Variants in TTLL1 observed in about 807,000 individuals in gnomAD.
TTLL1 encodes the protein polyglutamylase complex subunit TTLL1.
Under a neutral mutation model 47.8 loss-of-function variants are expected in TTLL1, and 33 were observed. The observed-to-expected ratio is 0.69, with a 90% CI of 0.52 to 0.92. TTLL1 has a LOEUF of 0.92. TTLL1 is among the 40% of genes least tolerant of loss of function. TTLL1 has a pLI of 0.00. For missense variants in TTLL1, 488 were observed against 547.5 expected, an observed-to-expected ratio of 0.89 and a Z score of 1.08; for synonymous variants, 225 against 214.1, an observed-to-expected ratio of 1.05 and a Z score of -0.45.
chr22:43,077,339 C>A (rs922106355), intron 2 of TTLL1, among the ~76,000 whole-genome samples: 1 of 152,168 alleles, frequency 6.6e-6, no homozygotes, highest in Non-Finnish European at 1.5e-5. Context: ...TCGATCTCTG[C>A]CTGGCTAAGC....
chr22:43,047,245 A>T (rs1926214092), intron 9 of TTLL1, among the ~76,000 whole-genome samples: 1 of 152,158 alleles, frequency 6.6e-6, no homozygotes, highest in African/African-American at 2.4e-5. Context: ...GCCCTGCCCA[A>T]GCAGCAGTGT....
rs768413237 is a variant in TTLL1 at position 43,068,427 on chromosome 22, C to G, written c.486G>C (p.Arg162=). The change falls in exon 5 of 11, where the codon CGG becomes CGC. Residue 162 remains arginine (R), a synonymous_variant. Transcript: ENST00000266254. ...NKLSQIKKWS[R]DSKTSSFVSQ... is the part of the protein sequence containing the mutation. ...ACACTTACGAAGATGTCTTGCTGTC[C>G]CGGGACCACTTTTTGATCTGTGAGA... The G allele has an allele frequency of 1.8e-5, 27 of 1,536,156 alleles. No individual in the cohort carries two copies. The East Asian group carries it at 4.4e-4, about 25-fold the overall frequency.
intron 10 of TTLL1, among the ~76,000 whole-genome samples, chr22:43,046,048 C>G (rs1926103822): frequency 6.6e-6 from 1 of 151,932 alleles, no homozygotes; most frequent in South Asian, 2.1e-4. Flanking sequence ...TGGTGAAACC[C>G]TGTCTATACT....
At position 43,059,510 on chromosome 22, in the gene TTLL1, G is replaced by C. The variant is rs1331816115; in HGVS notation, c.765C>G (p.Ile255Met). ...TACTCACTGTCCACTTGCCCCCATG[G>C]ATGTGGTTGTAGTCCTCCTGGTGAC... ...IQKHGEDYNH[I>M]HGGKWTVSNL... The change falls in exon 8 of 11, where the codon ATC becomes ATG. Residue 255 changes from isoleucine (I) to methionine (M), a missense_variant. Ile to Met is a conservative substitution (Grantham distance 10). Coordinates refer to ENST00000266254, the MANE Select transcript of TTLL1 (RefSeq NM_012263.5). 8 of 1,613,414 alleles carry C rather than the reference G, an allele frequency of 5.0e-6. No homozygotes were observed. The highest frequency in any genetic ancestry group is 1.3e-5 in the African/African-American group (1 of 74,894).
At chr22:43,087,171 C>T (rs947029435) in intron 1 of TTLL1, among the ~76,000 whole-genome samples, 2 of 152,202 alleles carry the variant, frequency 1.3e-5, no homozygotes, top group Non-Finnish European at 2.9e-5. Flanking sequence ...CACATTGTCA[C>T]TTTATTTTCT....
At chr22:43,046,700 G>C in intron 9 of TTLL1, 127 bp from the exon 10 acceptor site, 2 of 1,111,254 alleles carry the variant, frequency 1.8e-6, no homozygotes, top group Non-Finnish European at 2.5e-6. Context: ...ACAGAGTTTC[G>C]CTCTTGTTGC....
intron 9 of TTLL1, 34 bp from the exon 10 acceptor site, chr22:43,046,607 G>A (rs1926157151): frequency 1.9e-6 from 3 of 1,604,782 alleles, no homozygotes; most frequent in Non-Finnish European, 2.6e-6. Context: ...CCTCACCTGT[G>A]TCTCTCGCTC....
intron 3 of TTLL1, among the ~76,000 whole-genome samples, chr22:43,070,648 C>T (rs1601690472): frequency 6.6e-6 from 1 of 152,066 alleles, no homozygotes; most frequent in Non-Finnish European, 1.5e-5. Context: ...TATGGAAAAC[C>T]TCCATCACAC....
chr22:43,063,812 C>A lies in TTLL1; in HGVS notation c.747+1G>T. ...AAGCACAAATGAAAGGACACACTCA[C>A]CCCGTGTTTCTGGATGGCGACGTTG... is the stretch of plus-strand genomic sequence containing the variant. On this transcript the variant is annotated splice_donor_variant, in intron 7 of 10. Transcript: ENST00000266254. LOFTEE classifies it high-confidence loss of function. 6.2e-7 allele frequency: 1 copy of A among 1,613,490 alleles called. No individual in the cohort carries two copies. Among genetic ancestry groups the A allele is most frequent in the Non-Finnish European group, 8.5e-7 (1 of 1,179,426 alleles).
chr22:43,080,293 T>G (rs2018688), intron 1 of TTLL1, among the ~76,000 whole-genome samples: 103,379 of 151,868 alleles, frequency 0.68, 36,365 homozygotes, highest in Middle Eastern at 0.83. Flanking sequence ...AGGCTCTAGC[T>G]ATCTGCCCAC....
intron 8 of TTLL1, among the ~76,000 whole-genome samples, chr22:43,053,339 A>G (rs1601665763): frequency 6.6e-6 from 1 of 152,186 alleles, no homozygotes; most frequent in Non-Finnish European, 1.5e-5. Flanking sequence ...CTCCTCACTC[A>G]CTGAGAGAAA....
intron 1 of TTLL1, among the ~76,000 whole-genome samples, chr22:43,084,014 AC>A (rs1929065711): frequency 6.6e-6 from 1 of 152,142 alleles, no homozygotes; most frequent in African/African-American, 2.4e-5. Context: ...CCAAATTGCT[AC>A]TCTGTGTCAT....
At chr22:43,080,063 T>C (rs1404382705) in intron 1 of TTLL1, 77 bp from the exon 2 acceptor site, 2 of 152,144 alleles carry the variant, frequency 1.3e-5, no homozygotes, top group Non-Finnish European at 2.9e-5. Flanking sequence ...TGTTTGTTTT[T>C]GTTTTTTTGA....
chr22:43,087,398 T>A (rs1929292350), intron 1 of TTLL1, among the ~76,000 whole-genome samples: 1 of 150,430 alleles, frequency 6.6e-6, no homozygotes, highest in South Asian at 2.1e-4. Flanking sequence ...GTGGTGCACA[T>A]CTGTAATCCC....
At chr22:43,074,109 G>A (rs1037458471) in intron 3 of TTLL1, among the ~76,000 whole-genome samples, 4 of 151,762 alleles carry the variant, frequency 2.6e-5, no homozygotes, top group Admixed American at 6.6e-5. Context: ...CGGGCATGAC[G>A]GCCAGAACAA....
chr22:43,049,390 G>A (rs895263671), intron 9 of TTLL1, among the ~76,000 whole-genome samples: 1 of 152,054 alleles, frequency 6.6e-6, no homozygotes, highest in Non-Finnish European at 1.5e-5. Flanking sequence ...AGGAGTGGTG[G>A]CTCATATCTG....
chr22:43,078,164 A>G (rs913663233), intron 2 of TTLL1, among the ~76,000 whole-genome samples: 2 of 151,966 alleles, frequency 1.3e-5, no homozygotes, highest in African/African-American at 4.8e-5. Flanking sequence ...CACTGCACCA[A>G]TGAGGAAGCT....
At chr22:43,045,470 A>ATTTTTTTTT (rs57003421) in intron 10 of TTLL1, among the ~76,000 whole-genome samples, 8 of 107,978 alleles carry the variant, frequency 7.4e-5, no homozygotes, top group South Asian at 3.1e-4. Context: ...TATTATACCC[A>ATTTTTTTTT]TTTTTTTTTT....
rs1411400360 is a variant in TTLL1, at chr22:43,047,312, G to A, written c.979-739C>T. Among the ~76,000 whole-genome samples the A allele has an allele frequency of 3.3e-5, 5 of 152,114 alleles. No homozygotes were observed. The East Asian group carries it at 9.6e-4, about 29-fold the overall frequency. Reference sequence around the variant, plus strand: ...TTGCTAAGAGAGTAATATCTCATTAGTAAAGCAGCATTCTCACTCAAATGA... The same window carrying A: ...TTGCTAAGAGAGTAATATCTCATTAATAAAGCAGCATTCTCACTCAAATGA... On this transcript the variant is annotated intron_variant, in intron 9 of 10. Transcript: ENST00000266254.
Sources: allele counts gnomAD v4.1 joint callset (sites outside exome capture counted in the v4.1 genomes callset), GRCh38; gene constraint gnomAD v4.1.1; transcripts MANE v1.5; gene names NCBI Gene and HGNC (gene_info 2026-07-23, HGNC 2026-07-21).